The following TSPEAR variants were observed in gnomAD, a reference collection of about 807,000 sequenced individuals.
TSPEAR encodes thrombospondin-type laminin G domain and EAR repeat-containing protein.
In TSPEAR, 69 loss-of-function variants were observed where a neutral mutation model predicts 71.6. The ratio of observed to expected loss-of-function variants is 0.96; its 90% confidence interval spans 0.79 to 1.18. The LOEUF is 1.18. TSPEAR is among the 50% of genes most tolerant of loss of function. The pLI is 0.00. For missense variants in TSPEAR, 971 were observed against 894.9 expected (o/e 1.09, Z -1.09); for synonymous variants, 402 against 387.2 (o/e 1.04, Z -0.45).
intron 1 of TSPEAR, among the ~76,000 whole-genome samples, chr21:44,684,943 A>T (rs1185169484): frequency 3.0e-4 from 45 of 152,198 alleles, no homozygotes; most frequent in Admixed American, 2.7e-3. Context: ...ATTCTGAACT[A>T]TAGCAGTGAA....
At chr21:44,647,372 T>C in intron 1 of TSPEAR, 2 of 1,608,460 alleles carry the variant, frequency 1.2e-6, no homozygotes. Flanking sequence ...AATCCTTGTC[T>C]CCTGCTGACT....
At position 44,499,719 on chromosome 21, in the gene TSPEAR, T is replaced by C. The variant is rs1319987988; in HGVS notation, c.*64A>G. On this transcript the variant is annotated 3_prime_UTR_variant, in exon 12 of 12. Coordinates refer to ENST00000323084, the MANE Select transcript of TSPEAR (RefSeq NM_144991.3). The stretch of plus-strand genomic sequence containing the variant: ...GGCCCACCTGGACGTCCAGGGTCAG[T>C]TGGGGGAGGTGCTGGGGTCCCGCCC... The C allele has an allele frequency of 1.4e-6, 2 of 1,478,780 alleles. No individual in the cohort carries two copies. Among genetic ancestry groups the C allele is most frequent in the Non-Finnish European group, 1.8e-6 (2 of 1,111,924 alleles). 91.6% of individuals were successfully genotyped at this position (1,478,780 alleles called of 1,614,324 possible). A position where few individuals can be genotyped will look rare whatever the true frequency, so the allele number is the denominator to read the frequency against.
chr21:44,620,067 G>C (rs112642074), intron 1 of TSPEAR, among the ~76,000 whole-genome samples: 1,922 of 152,320 alleles, frequency 0.013, 29 homozygotes, highest in Non-Finnish European at 0.016. Flanking sequence ...TCAAAACAAA[G>C]AGAGAATGTA....
chr21:44,533,149 G>A (rs146231535), intron 3 of TSPEAR, among the ~76,000 whole-genome samples: 68 of 152,358 alleles, frequency 4.5e-4, no homozygotes, highest in African/African-American at 1.5e-3. Flanking sequence ...TGTTTAAGGC[G>A]TGGAGAAACA....
At position 44,608,553 on chromosome 21, in the gene TSPEAR, A is replaced by G. The variant is rs587687912; in HGVS notation, c.83-40548T>C. ...AATACATAATAAATTTCTGCAAATCAATAAGAAACACAAGTAGCCATATTT... is the reference window on the plus strand; with the variant it reads ...AATACATAATAAATTTCTGCAAATCGATAAGAAACACAAGTAGCCATATTT... On this transcript the variant is annotated intron_variant, in intron 1 of 11. Transcript: ENST00000323084. 5.9e-5 allele frequency among the ~76,000 whole-genome samples: 9 copies of G among 152,372 alleles called. No homozygotes were observed. The East Asian group carries it at 1.7e-3, about 29-fold the overall frequency.
chr21:44,649,032 C>T (rs913921475), intron 1 of TSPEAR, among the ~76,000 whole-genome samples: 3 of 152,314 alleles, frequency 2.0e-5, no homozygotes. Flanking sequence ...GAGGGAGATG[C>T]GGGACCCACT....
At chr21:44,670,418 T>C (rs1271735827) in intron 1 of TSPEAR, among the ~76,000 whole-genome samples, 1 of 140,344 alleles carries the variant, frequency 7.1e-6, no homozygotes, top group Non-Finnish European at 1.6e-5. Flanking sequence ...GACACTGGAA[T>C]TCAGCAAAGA....
intron 1 of TSPEAR, among the ~76,000 whole-genome samples, chr21:44,611,631 G>A (rs782172147): frequency 1.1e-4 from 16 of 152,176 alleles, no homozygotes; most frequent in African/African-American, 2.7e-4. Flanking sequence ...ATTCCTAGCC[G>A]AGACACCCAT....
intron 1 of TSPEAR, among the ~76,000 whole-genome samples, chr21:44,602,740 G>A (rs1412505963): frequency 2.4e-4 from 36 of 152,298 alleles, no homozygotes; most frequent in African/African-American, 7.2e-4. Context: ...CACACGCAGC[G>A]TCCCAGCTGC....
At chr21:44,677,794 G>C (rs1174863021) in intron 1 of TSPEAR, 3 of 1,294,728 alleles carry the variant, frequency 2.3e-6, no homozygotes, top group African/African-American at 2.9e-5. Flanking sequence ...TTTGGCAATG[G>C]AACATTATAA....
intron 1 of TSPEAR, among the ~76,000 whole-genome samples, chr21:44,655,713 C>T (rs1555942469): frequency 6.6e-6 from 1 of 152,174 alleles, no homozygotes; most frequent in Admixed American, 6.5e-5. Context: ...TGACACGCTC[C>T]TCCTCACACT....
At chr21:44,666,340 T>C (rs1985756672) in intron 1 of TSPEAR, 7 of 1,286,164 alleles carry the variant, frequency 5.4e-6, no homozygotes, top group Non-Finnish European at 7.6e-6. Context: ...CAACTGAGCA[T>C]GCTTTTCACC....
chr21:44,601,588 G>T, intron 1 of TSPEAR: 1 of 1,613,448 alleles, frequency 6.2e-7, no homozygotes, highest in Non-Finnish European at 8.5e-7. Flanking sequence ...CGCCTGCTGC[G>T]TGCCCGTCCC....
Position 44,600,448 on chromosome 21 carries a change from C to T in TSPEAR, c.83-32443G>A, listed in dbSNP as rs189251395. On this transcript the variant is annotated intron_variant, in intron 1 of 11. Transcript: ENST00000323084. ...CATGAAACTCGCACTAATAAGCGTT[C>T]TCTAGGTTTTAAACACAAACAAGGA... The T allele has an allele frequency of 7.7e-6, 6 of 778,924 alleles. No homozygotes were observed. The African/African-American group carries it at 8.7e-5, about 11-fold the overall frequency. The allele number at this position is 778,924 out of a possible 1,614,324, so 48.3% of individuals were successfully genotyped here.
rs368078465 is a variant in TSPEAR, at chr21:44,542,000, CAA to C, written c.304-8079_304-8078del. Among the ~76,000 whole-genome samples the C allele has an allele frequency of 2.5e-3, 378 of 152,276 alleles. 4 individuals carry two copies. Among genetic ancestry groups the C allele is most frequent in the African/African-American group, 8.5e-3 (353 of 41,570 alleles). On this transcript the variant is annotated intron_variant, in intron 2 of 11. Transcript: ENST00000323084. ...AAAAGACCAAGAGGAAAAAAACAAA[CAA>C]GAGAAACAGACGTGCAGGAGATCTA... is the stretch of plus-strand genomic sequence containing the variant.
intron 8 of TSPEAR, among the ~76,000 whole-genome samples, chr21:44,522,778 C>A (rs1403171579): frequency 6.6e-6 from 1 of 152,252 alleles, no homozygotes. Context: ...GGAAACAAGG[C>A]CATGGAGGCC....
intron 2 of TSPEAR, among the ~76,000 whole-genome samples, chr21:44,545,317 C>CA (rs57340332): frequency 0.028 from 3,612 of 131,218 alleles, 131 homozygotes; most frequent in African/African-American, 0.092. Context: ...GACTCTGTCT[C>CA]AAAAAAAAAA....
intron 1 of TSPEAR, chr21:44,654,250 T>C: frequency 6.3e-7 from 1 of 1,591,872 alleles, no homozygotes; most frequent in Non-Finnish European, 8.6e-7. Context: ...ACCTCGCACC[T>C]ACGAGGGTCA....
At chr21:44,509,991 T>G (rs2052322827) in intron 9 of TSPEAR, 1 of 153,186 alleles carries the variant, frequency 6.5e-6, no homozygotes, top group Non-Finnish European at 1.5e-5. Context: ...GTCTTTCCTC[T>G]GGCTCTGTAG....
Sources: gnomAD v4.1 joint callset for allele counts (sites outside exome capture counted in the v4.1 genomes callset) on GRCh38, gnomAD v4.1.1 for gene constraint, MANE v1.5 for transcripts, NCBI Gene and HGNC (gene_info 2026-07-23, HGNC 2026-07-21) for gene names.